WWC2: variants seen among roughly 807,000 people sequenced by gnomAD.
WWC2 encodes the protein WW and C2 domain containing 2.
WWC2 carries 101 observed loss-of-function variants against 138.5 expected under a neutral mutation model. That is an observed-to-expected ratio of 0.73 (90% confidence interval 0.62 to 0.86). The LOEUF (loss-of-function observed/expected upper bound fraction) is 0.86, where lower values mean the gene tolerates loss of function less well. Ranked by LOEUF, WWC2 falls within the 40% of genes least tolerant of loss-of-function variation. WWC2 has a pLI of 0.00. For synonymous variants in WWC2, 558 were observed against 538.4 expected (o/e 1.04, Z -0.50); for missense variants, 1,420 against 1,419.4 (o/e 1.00, Z -0.01).
At chr4:183,186,166 G>C (rs1436886808) in intron 1 of WWC2, among the ~76,000 whole-genome samples, 5 of 151,910 alleles carry the variant, frequency 3.3e-5, no homozygotes, top group East Asian at 1.9e-4. Context: ...GGATGGTCTC[G>C]ATCTCCTGAC....
At chr4:183,286,108 T>C (rs1285630495) in intron 20 of WWC2, 49 bp downstream of exon 20, 5 of 1,502,268 alleles carry the variant, frequency 3.3e-6, no homozygotes, top group African/African-American at 2.8e-5. Flanking sequence ...CAGTCCAGAA[T>C]TGTCACTTGT....
chr4:183,208,489 G>A (rs1735506710), intron 3 of WWC2, among the ~76,000 whole-genome samples: 1 of 152,138 alleles, frequency 6.6e-6, no homozygotes, highest in Admixed American at 6.5e-5. Context: ...TATTTTTAGT[G>A]GGGAGGAACT....
chr4:183,154,018 A>AAAAAAAAAAAC (rs1733724131), intron 1 of WWC2, among the ~76,000 whole-genome samples: 4 of 143,176 alleles, frequency 2.8e-5, no homozygotes, highest in African/African-American at 1.2e-4. Flanking sequence ...AAAAAAAAAA[A>AAAAAAAAAAAC]AAAAAAAAAA....
chr4:183,265,606 A>G, intron 12 of WWC2, 82 bp from the exon 13 acceptor site: 1 of 1,396,360 alleles, frequency 7.2e-7, no homozygotes, highest in Non-Finnish European at 9.9e-7. Context: ...ATTTTCATTC[A>G]GAATCACTAA....
rs749156747 is a variant in WWC2 at position 183,320,009 on chromosome 4, G to A, written c.*4280G>A. 5.6e-6 allele frequency: 9 copies of A among 1,613,786 alleles called. No homozygotes were observed. The Admixed American group carries it at 1.2e-4, about 21-fold the overall frequency. On this transcript the variant is annotated 3_prime_UTR_variant, in exon 23 of 23. Coordinates refer to ENST00000403733, the MANE Select transcript of WWC2 (RefSeq NM_024949.6). ...CCCTGAGTTCAGCAGGCAAAGCCAGGAAGGAGTCAAAGTCCTTGCATTGCA... is the reference window on the plus strand; with the variant it reads ...CCCTGAGTTCAGCAGGCAAAGCCAGAAAGGAGTCAAAGTCCTTGCATTGCA...
intron 21 of WWC2, among the ~76,000 whole-genome samples, chr4:183,299,807 C>A (rs745452606): frequency 5.9e-5 from 9 of 152,084 alleles, no homozygotes; most frequent in Non-Finnish European, 1.2e-4. Flanking sequence ...AGCAAGATGA[C>A]CATAAAGTGC....
chr4:183,231,369 A>G (rs1017728679), intron 4 of WWC2, among the ~76,000 whole-genome samples: 6 of 138,622 alleles, frequency 4.3e-5, no homozygotes, highest in Non-Finnish European at 7.5e-5. Context: ...TCCTGTGTTC[A>G]GGCGATTCTT....
rs1384493748 is a variant in WWC2 at position 183,261,545 on chromosome 4, C to T, written c.1909+13C>T. ...GAAGGAACTGCAGGTAAATGCAGCCCTTTGCTTTCATGTATTCCCTGTTAG... is the reference window on the plus strand; with the variant it reads ...GAAGGAACTGCAGGTAAATGCAGCCTTTTGCTTTCATGTATTCCCTGTTAG... On this transcript the variant is annotated intron_variant, in intron 11 of 22. Coordinates refer to ENST00000403733, the MANE Select transcript of WWC2 (RefSeq NM_024949.6). The T allele has an allele frequency of 1.2e-6, 2 of 1,601,690 alleles. No individual in the cohort carries two copies. Among genetic ancestry groups the T allele is most frequent in the Non-Finnish European group, 1.7e-6 (2 of 1,174,132 alleles).
At chr4:183,218,551 T>C (rs534422405) in intron 4 of WWC2, among the ~76,000 whole-genome samples, 20 of 152,320 alleles carry the variant, frequency 1.3e-4, no homozygotes, top group African/African-American at 4.8e-4. Context: ...TATAAAGAAT[T>C]GGCTGACACA....
intron 1 of WWC2, among the ~76,000 whole-genome samples, chr4:183,120,495 A>T (rs1458181440): frequency 1.3e-5 from 2 of 152,108 alleles, no homozygotes; most frequent in Non-Finnish European, 2.9e-5. Flanking sequence ...AATAACTTGG[A>T]GATTATGGAA....
chr4:183,314,950 C>T (rs1035142826), intron 22 of WWC2, among the ~76,000 whole-genome samples: 4 of 152,220 alleles, frequency 2.6e-5, no homozygotes, highest in African/African-American at 4.8e-5. Flanking sequence ...ACTGTTCTTT[C>T]GCAAGGGAGA....
intron 4 of WWC2, among the ~76,000 whole-genome samples, chr4:183,227,246 C>T (rs1014271209): frequency 2.0e-5 from 3 of 152,046 alleles, no homozygotes; most frequent in African/African-American, 7.3e-5. Context: ...CCCCTGAATT[C>T]ACATTTACCT....
At chr4:183,164,753 C>A (rs1455829731) in intron 1 of WWC2, among the ~76,000 whole-genome samples, 1 of 152,058 alleles carries the variant, frequency 6.6e-6, no homozygotes, top group East Asian at 1.9e-4. Context: ...CAGCGCTTGA[C>A]TTCTGAGGAC....
At position 183,282,787 on chromosome 4, in the gene WWC2, T is replaced by C. The variant is rs1285587580; in HGVS notation, c.2764T>C (p.Cys922Arg). 1 of 1,583,678 alleles carries C rather than the reference T, an allele frequency of 6.3e-7. No individual in the cohort carries two copies. ...AGTTAAATTGCCAGAGGACAGTAGC[T>C]GTACAGAAGATTTAAGTTCATGCAC... ...AEVKLPEDSS[C>R]TEDLSSCTSV... Residue 922 changes from cysteine to arginine, a missense_variant, in exon 18 of 23, where the codon TGT (cysteine) becomes CGT (arginine). Physicochemically the swap from Cys to Arg is radical, Grantham distance 180. Transcript: ENST00000403733.
At chr4:183,176,059 G>A (rs1170910764) in intron 1 of WWC2, among the ~76,000 whole-genome samples, 1 of 152,172 alleles carries the variant, frequency 6.6e-6, no homozygotes, top group Non-Finnish European at 1.5e-5. Context: ...ATGAATAAGG[G>A]CTGATCTCTG....
intron 4 of WWC2, among the ~76,000 whole-genome samples, chr4:183,228,103 TA>T (rs1736125632): frequency 6.6e-6 from 1 of 151,874 alleles, no homozygotes; most frequent in Non-Finnish European, 1.5e-5. Context: ...ACAGAAAAGT[TA>T]AAAGGACGGG....
chr4:183,249,804 A>C lies in WWC2; in HGVS notation c.880-116A>C. On this transcript the variant is annotated intron_variant, in intron 7 of 22. Coordinates refer to ENST00000403733, the MANE Select transcript of WWC2 (RefSeq NM_024949.6). Reference sequence around the variant, plus strand: ...TGTCTTTTAAAATTGGTGTTTCCCGATTTCAGTACCATCTTCTTTAACTTT... The same window carrying C: ...TGTCTTTTAAAATTGGTGTTTCCCGCTTTCAGTACCATCTTCTTTAACTTT... The C allele has an allele frequency of 3.9e-6, 3 of 771,502 alleles. No individual in the cohort carries two copies. The South Asian group carries it at 6.2e-5, about 16-fold the overall frequency. 47.8% of individuals were successfully genotyped at this position (771,502 alleles called of 1,614,324 possible).
chr4:183,192,562 CTTT>C (rs1735019816), intron 1 of WWC2, among the ~76,000 whole-genome samples: 1 of 152,160 alleles, frequency 6.6e-6, no homozygotes, highest in Admixed American at 6.5e-5. Context: ...AATTTTCCTC[CTTT>C]TTATATCATT....
Position 183,271,248 on chromosome 4 carries a change from C to T in WWC2, c.2562+7C>T, listed in dbSNP as rs376045948. On this transcript the variant is annotated splice_region_variant and intron_variant, in intron 16 of 22. Coordinates refer to ENST00000403733, the MANE Select transcript of WWC2 (RefSeq NM_024949.6). ...AGTAGATTCTATAGACTTGGTGAGT[C>T]AAAATTAGAGTATAATATGAAAGTA... 39 of 1,593,390 alleles carry T rather than the reference C, an allele frequency of 2.4e-5. No individual in the cohort carries two copies. The highest frequency in any genetic ancestry group is 3.5e-5 in the South Asian group (3 of 86,226).
Sources: gnomAD v4.1 joint callset for allele counts (sites outside exome capture counted in the v4.1 genomes callset) on GRCh38, gnomAD v4.1.1 for gene constraint, MANE v1.5 for transcripts, NCBI Gene and HGNC (gene_info 2026-07-23, HGNC 2026-07-21) for gene names.